Variants in RIMS2 observed in about 807,000 individuals in gnomAD.
RIMS2 encodes regulating synaptic membrane exocytosis protein 2.
RIMS2 carries 59 observed loss-of-function variants against 174.4 expected under a neutral mutation model. That is an observed-to-expected ratio of 0.34 (90% CI 0.27 to 0.42). The LOEUF (loss-of-function observed/expected upper bound fraction) is 0.42. Ranked by LOEUF, RIMS2 falls within the 10% of genes least tolerant of loss-of-function variation. The pLI is 1.00. For missense variants in RIMS2, 1,620 were observed against 1,666.3 expected (o/e 0.97, Z 0.48); for synonymous variants, 606 against 572.5 (o/e 1.06, Z -0.84).
chr8:103,558,834 A>T (rs948179683), intron 1 of RIMS2, among the ~76,000 whole-genome samples: 4 of 152,128 alleles, frequency 2.6e-5, no homozygotes, highest in Middle Eastern at 3.2e-3. Flanking sequence ...TAAAAATACA[A>T]ACAAATTTCC....
At chr8:103,587,044 T>C (rs1053999991) in intron 1 of RIMS2, among the ~76,000 whole-genome samples, 1 of 151,924 alleles carries the variant, frequency 6.6e-6, no homozygotes, top group African/African-American at 2.4e-5. Flanking sequence ...GCTGAATGAA[T>C]GAAAAAACAA....
At chr8:104,229,877 T>C (rs2099214697) in intron 19 of RIMS2, among the ~76,000 whole-genome samples, 1 of 152,204 alleles carries the variant, frequency 6.6e-6, no homozygotes, top group Non-Finnish European at 1.5e-5. Context: ...TGCATTTCTG[T>C]GGGCAACTAA....
chr8:104,150,982 A>G (rs772293648), intron 19 of RIMS2, among the ~76,000 whole-genome samples: 1 of 152,228 alleles, frequency 6.6e-6, no homozygotes, highest in East Asian at 1.9e-4. Flanking sequence ...TGGGGCTACA[A>G]TAAAGAGGTA....
At position 103,851,265 on chromosome 8, in the gene RIMS2, G is replaced by A. The variant is rs1408526261; in HGVS notation, c.699-34033G>A. On this transcript the variant is annotated intron_variant, in intron 3 of 23. Transcript: ENST00000504942. ...AGGAAGTTGGTTTTAAAATGGTTGT[G>A]AATATTCTATTGGTATGTGGTACTA... Among the ~76,000 whole-genome samples, 3 of 151,702 alleles carry A rather than the reference G, an allele frequency of 2.0e-5. No homozygotes were observed. In the East Asian group the frequency reaches 5.8e-4, roughly 29 times the overall value.
chr8:103,504,416 A>G (rs1186956075), intron 1 of RIMS2, among the ~76,000 whole-genome samples: 1 of 152,128 alleles, frequency 6.6e-6, no homozygotes, highest in Non-Finnish European at 1.5e-5. Context: ...TGAAAGAAAA[A>G]CATAATTTAT....
chr8:103,591,651 T>A (rs1382307478), intron 1 of RIMS2, among the ~76,000 whole-genome samples: 1 of 151,228 alleles, frequency 6.6e-6, no homozygotes, highest in Non-Finnish European at 1.5e-5. Context: ...AGTTTTGCAG[T>A]ATTAGTTGTT....
At chr8:103,853,860 A>C (rs1194217326) in intron 3 of RIMS2, among the ~76,000 whole-genome samples, 3 of 152,080 alleles carry the variant, frequency 2.0e-5, no homozygotes, top group Non-Finnish European at 4.4e-5. Flanking sequence ...GGCTTTGGCT[A>C]TTCAGGCTCT....
At chr8:103,660,714 T>C (rs572922249) in intron 1 of RIMS2, among the ~76,000 whole-genome samples, 12 of 152,342 alleles carry the variant, frequency 7.9e-5, no homozygotes, top group African/African-American at 2.2e-4. Flanking sequence ...CTGAATAATG[T>C]AAAATTGCCA....
chr8:103,690,529 T>C (rs1420383713), intron 1 of RIMS2, among the ~76,000 whole-genome samples: 1 of 152,210 alleles, frequency 6.6e-6, no homozygotes, highest in Non-Finnish European at 1.5e-5. Flanking sequence ...TATTTTAAAC[T>C]GATGACAACT....
intron 19 of RIMS2, among the ~76,000 whole-genome samples, chr8:104,221,680 A>T (rs1241494409): frequency 6.6e-6 from 1 of 152,188 alleles, no homozygotes; most frequent in Non-Finnish European, 1.5e-5. Flanking sequence ...ATAAATCTGG[A>T]TGAGCCTAAG....
chr8:103,509,401 A>G lies in RIMS2; in HGVS notation c.176+8339A>G, dbSNP rs866186310. Reference sequence around the variant, plus strand: ...TTTCATTCTTTGTGTATTTTAAACTATCACACAATCTTTGTTTTATATGTT... The same window carrying G: ...TTTCATTCTTTGTGTATTTTAAACTGTCACACAATCTTTGTTTTATATGTT... On this transcript the variant is annotated intron_variant, in intron 1 of 23. Transcript: ENST00000504942. 9.9e-5 allele frequency among the ~76,000 whole-genome samples: 15 copies of G among 152,248 alleles called. No homozygotes were observed. The South Asian group carries it at 1.7e-3, about 17-fold the overall frequency.
At chr8:103,600,936 C>A (rs1358042077) in intron 1 of RIMS2, among the ~76,000 whole-genome samples, 1 of 152,114 alleles carries the variant, frequency 6.6e-6, no homozygotes, top group Non-Finnish European at 1.5e-5. Context: ...TTGTATTTCT[C>A]TGATGAATTA....
chr8:103,882,543 A>G (rs1471001557), intron 3 of RIMS2, among the ~76,000 whole-genome samples: 2 of 151,594 alleles, frequency 1.3e-5, no homozygotes, highest in African/African-American at 4.8e-5. Flanking sequence ...TAACAGTGAC[A>G]GTAGTCATCC....
chr8:103,670,389 C>T (rs1436525290), intron 1 of RIMS2, among the ~76,000 whole-genome samples: 2 of 152,248 alleles, frequency 1.3e-5, no homozygotes, highest in Non-Finnish European at 2.9e-5. Context: ...TGGCAATTAA[C>T]ATTTGGCTCC....
intron 2 of RIMS2, among the ~76,000 whole-genome samples, chr8:103,750,157 C>T (rs953966789): frequency 3.3e-5 from 5 of 151,956 alleles, no homozygotes; most frequent in African/African-American, 1.2e-4. Context: ...ATTGATATTA[C>T]ATTGTTAACC....
At chr8:104,050,581 G>A (rs958965186) in intron 19 of RIMS2, among the ~76,000 whole-genome samples, 1 of 151,996 alleles carries the variant, frequency 6.6e-6, no homozygotes, top group Admixed American at 6.6e-5. Context: ...TAAACTAAGG[G>A]AATTAAAGTT....
At chr8:104,040,889 T>C (rs1461998833) in intron 19 of RIMS2, among the ~76,000 whole-genome samples, 5 of 151,726 alleles carry the variant, frequency 3.3e-5, no homozygotes, top group African/African-American at 1.2e-4. Context: ...CTCTTTTTGG[T>C]GATGACTCAA....
intron 1 of RIMS2, among the ~76,000 whole-genome samples, chr8:103,696,284 C>T (rs2097100066): frequency 6.6e-6 from 1 of 151,990 alleles, no homozygotes; most frequent in South Asian, 2.1e-4. Flanking sequence ...AAGTTTTCTT[C>T]CATTTGACTG....
At chr8:103,831,521 T>G (rs1276550019) in intron 3 of RIMS2, among the ~76,000 whole-genome samples, 2 of 152,294 alleles carry the variant, frequency 1.3e-5, no homozygotes, top group East Asian at 3.9e-4. Context: ...CCAATTGGCC[T>G]TCTCTGGACA....
Sources: allele counts gnomAD v4.1 joint callset (sites outside exome capture counted in the v4.1 genomes callset), GRCh38; gene constraint gnomAD v4.1.1; transcripts MANE v1.5; gene names NCBI Gene and HGNC (gene_info 2026-07-23, HGNC 2026-07-21).